The following ARHGAP24 variants were observed in gnomAD, a reference collection of about 807,000 sequenced individuals.
ARHGAP24 encodes the protein rho GTPase-activating protein 24.
Under a neutral mutation model 76.4 loss-of-function variants are expected in ARHGAP24, and 50 were observed. The observed-to-expected ratio is 0.65, with a 90% CI of 0.52 to 0.83. The LOEUF (loss-of-function observed/expected upper bound fraction) is 0.83. ARHGAP24 is among the 40% of genes least tolerant of loss of function. The pLI is 0.00. For missense variants in ARHGAP24, 930 were observed against 914.2 expected (o/e 1.02, Z -0.22); for synonymous variants, 345 against 323.3 (o/e 1.07, Z -0.72).
chr4:85,843,064 T>C (rs1730695329), intron 3 of ARHGAP24, among the ~76,000 whole-genome samples: 1 of 152,200 alleles, frequency 6.6e-6, no homozygotes, highest in Non-Finnish European at 1.5e-5. Context: ...CAGTAAAAAC[T>C]GAATATTTCA....
intron 7 of ARHGAP24, among the ~76,000 whole-genome samples, chr4:85,977,081 TC>T (rs1739383563): frequency 6.6e-6 from 1 of 152,120 alleles, no homozygotes; most frequent in African/African-American, 2.4e-5. Flanking sequence ...AGCCACCATG[TC>T]CGGCCTGTAT....
At chr4:85,528,672 A>G (rs948175130) in intron 1 of ARHGAP24, among the ~76,000 whole-genome samples, 13 of 152,046 alleles carry the variant, frequency 8.6e-5, no homozygotes, top group Non-Finnish European at 1.9e-4. Context: ...TTAACAAACT[A>G]TGTGTTTGTT....
chr4:85,501,051 A>G (rs1424423710), intron 1 of ARHGAP24, among the ~76,000 whole-genome samples: 4 of 152,162 alleles, frequency 2.6e-5, no homozygotes, highest in Non-Finnish European at 5.9e-5. Flanking sequence ...ACATGAACTC[A>G]TCCTTTTTTA....
At chr4:85,605,535 T>C (rs1256091595) in intron 2 of ARHGAP24, among the ~76,000 whole-genome samples, 1 of 152,202 alleles carries the variant, frequency 6.6e-6, no homozygotes, top group African/African-American at 2.4e-5. Flanking sequence ...TAGATTATCT[T>C]GCATTCATAC....
intron 2 of ARHGAP24, among the ~76,000 whole-genome samples, chr4:85,620,309 A>G (rs1297605895): frequency 6.6e-6 from 1 of 151,902 alleles, no homozygotes; most frequent in Non-Finnish European, 1.5e-5. Context: ...GGAAGAATTT[A>G]TTACTGATTA....
intron 3 of ARHGAP24, among the ~76,000 whole-genome samples, chr4:85,749,189 C>T (rs940230586): frequency 6.6e-6 from 1 of 152,100 alleles, no homozygotes; most frequent in African/African-American, 2.4e-5. Context: ...TCTCATTTGC[C>T]GAAGGTAGAT....
intron 2 of ARHGAP24, among the ~76,000 whole-genome samples, chr4:85,623,260 A>C (rs551196131): frequency 5.9e-5 from 9 of 152,160 alleles, no homozygotes; most frequent in Non-Finnish European, 1.5e-5. Flanking sequence ...ATCCATCTTG[A>C]ATTAATTTTT....
intron 3 of ARHGAP24, among the ~76,000 whole-genome samples, chr4:85,730,847 C>A (rs988762747): frequency 2.0e-5 from 3 of 151,906 alleles, no homozygotes; most frequent in African/African-American, 7.3e-5. Context: ...TCTCCCTGCC[C>A]CAAACCCACC....
At chr4:85,885,917 A>G (rs2148773317) in intron 3 of ARHGAP24, among the ~76,000 whole-genome samples, 1 of 152,278 alleles carries the variant, frequency 6.6e-6, no homozygotes, top group Non-Finnish European at 1.5e-5. Flanking sequence ...CACTTCCTAG[A>G]ATAGGAATCC....
chr4:85,960,371 T>C (rs1738169374), intron 5 of ARHGAP24, among the ~76,000 whole-genome samples: 1 of 152,180 alleles, frequency 6.6e-6, no homozygotes, highest in Admixed American at 6.5e-5. Context: ...AGTGTTGAGA[T>C]AAATGTCTGT....
intron 3 of ARHGAP24, among the ~76,000 whole-genome samples, chr4:85,890,639 C>T (rs1299423943): frequency 2.0e-5 from 3 of 152,076 alleles, no homozygotes; most frequent in East Asian, 1.9e-4. Context: ...AGTAAAATCA[C>T]GTTCAGGTAG....
chr4:85,687,365 C>A (rs889399130), intron 2 of ARHGAP24, among the ~76,000 whole-genome samples: 1 of 152,080 alleles, frequency 6.6e-6, no homozygotes, highest in Non-Finnish European at 1.5e-5. Context: ...GGCATGGATC[C>A]TATCACCCAG....
At chr4:85,516,450 G>A (rs774830064) in intron 1 of ARHGAP24, among the ~76,000 whole-genome samples, 22 of 152,082 alleles carry the variant, frequency 1.4e-4, no homozygotes, top group South Asian at 6.2e-4. Context: ...TTTAGTATAT[G>A]TTGTTTCACT....
intron 8 of ARHGAP24, among the ~76,000 whole-genome samples, chr4:85,984,178 G>A (rs1238731940): frequency 6.6e-6 from 1 of 152,072 alleles, no homozygotes; most frequent in Admixed American, 6.6e-5. Context: ...TAGAGGTCGG[G>A]GAACCATCAC....
chr4:85,920,704 G>A (rs1735670720), intron 3 of ARHGAP24, among the ~76,000 whole-genome samples: 1 of 152,032 alleles, frequency 6.6e-6, no homozygotes, highest in Non-Finnish European at 1.5e-5. Context: ...ATTAAAAAGT[G>A]GTCAAAGGAA....
At chr4:85,716,639 C>T (rs1724743953) in intron 2 of ARHGAP24, among the ~76,000 whole-genome samples, 1 of 152,002 alleles carries the variant, frequency 6.6e-6, no homozygotes, top group South Asian at 2.1e-4. Flanking sequence ...CACCCTGGTT[C>T]TTTTGTCACT....
At chr4:85,729,913 G>A (rs1389958113) in intron 3 of ARHGAP24, among the ~76,000 whole-genome samples, 1 of 152,070 alleles carries the variant, frequency 6.6e-6, no homozygotes, top group Admixed American at 6.6e-5. Context: ...GATAAAAAAA[G>A]CAAACCTATG....
intron 3 of ARHGAP24, chr4:85,723,239 G>A (rs1358784935): frequency 6.6e-6 from 1 of 152,194 alleles, no homozygotes; most frequent in South Asian, 2.1e-4. Flanking sequence ...AATCAGCGTG[G>A]TATTGAACTG....
At chr4:85,497,994 G>A (rs565367754) in intron 1 of ARHGAP24, among the ~76,000 whole-genome samples, 46 of 152,308 alleles carry the variant, frequency 3.0e-4, no homozygotes, top group African/African-American at 1.1e-3. Flanking sequence ...AATAAAACAA[G>A]AGGTAATTAT....
Sources: gnomAD v4.1 joint callset for allele counts (sites outside exome capture counted in the v4.1 genomes callset) on GRCh38, gnomAD v4.1.1 for gene constraint, MANE v1.5 for transcripts, NCBI Gene and HGNC (gene_info 2026-07-23, HGNC 2026-07-21) for gene names.